FOXN3: variants seen among roughly 807,000 people sequenced by gnomAD.
FOXN3 encodes forkhead box N3.
A neutral mutation model predicts 38.4 loss-of-function variants in FOXN3; 7 were observed. The observed-to-expected ratio is 0.18, with a 90% CI of 0.10 to 0.34. The LOEUF (loss-of-function observed/expected upper bound fraction) is 0.34, where lower values mean the gene tolerates loss of function less well. Ranked by LOEUF, FOXN3 falls within the 10% of genes least tolerant of loss-of-function variation. FOXN3 has a pLI of 1.00. For missense variants in FOXN3, 456 were observed against 613.4 expected, an observed-to-expected ratio of 0.74 and a Z score of 2.71; for synonymous variants, 230 against 242.2, an observed-to-expected ratio of 0.95 and a Z score of 0.47.
At chr14:89,415,604 CAA>C (rs34026101) in intron 1 of FOXN3, among the ~76,000 whole-genome samples, 1,938 of 54,014 alleles carry the variant, frequency 0.036, 25 homozygotes, top group African/African-American at 0.067. Context: ...CAACAATAAC[CAA>C]AAAAAAAAAA....
rs191105542 is a variant in FOXN3 at position 89,204,864 on chromosome 14, T to C, written c.746-24058A>G. 2.0e-3 allele frequency among the ~76,000 whole-genome samples: 302 copies of C among 152,220 alleles called. 2 individuals carry two copies. Among genetic ancestry groups the C allele is most frequent in the African/African-American group, 6.9e-3 (285 of 41,524 alleles). ...CATCCATCCATCCATCCATCCATCATTGAGAACAAAAGATATCGTTATGCT... is the reference window on the plus strand; with the variant it reads ...CATCCATCCATCCATCCATCCATCACTGAGAACAAAAGATATCGTTATGCT... On this transcript the variant is annotated intron_variant, in intron 4 of 5. Transcript: ENST00000557258.
intron 4 of FOXN3, among the ~76,000 whole-genome samples, chr14:89,213,090 G>A (rs907306879): frequency 3.3e-5 from 5 of 152,180 alleles, no homozygotes; most frequent in African/African-American, 7.2e-5. Context: ...AGGCCTCCCC[G>A]TCCAACATCC....
At chr14:89,207,565 G>A (rs926302392) in intron 4 of FOXN3, among the ~76,000 whole-genome samples, 20 of 152,214 alleles carry the variant, frequency 1.3e-4, no homozygotes, top group Non-Finnish European at 4.4e-5. Context: ...GGTGAAGGAG[G>A]TGGTGGAAAG....
Position 89,523,848 on chromosome 14 carries a change from T to C in FOXN3, c.-15+95180A>G, listed in dbSNP as rs537409519. On this transcript the variant is annotated intron_variant, in intron 1 of 6. Transcript: ENST00000345097. ...TGCAATCTCAGCTCACTGCAACCTC[T>C]ACCTCCCGGGTTCAAGCAATTGTCC... Among the ~76,000 whole-genome samples, 136 of 151,988 alleles carry C rather than the reference T, an allele frequency of 8.9e-4. 1 individual carries two copies. Among genetic ancestry groups the C allele is most frequent in the African/African-American group, 3.1e-3 (127 of 41,538 alleles).
chr14:89,442,608 C>T (rs901379422), intron 1 of FOXN3, among the ~76,000 whole-genome samples: 3 of 152,178 alleles, frequency 2.0e-5, no homozygotes, highest in East Asian at 1.9e-4. Flanking sequence ...TGGGAAACAA[C>T]GGATCCCTGA....
At chr14:89,464,204 G>A (rs750707235) in intron 1 of FOXN3, among the ~76,000 whole-genome samples, 2 of 152,180 alleles carry the variant, frequency 1.3e-5, no homozygotes, top group Admixed American at 6.5e-5. Context: ...GAAGCGTCAC[G>A]TATAGGAGGG....
At chr14:89,364,342 T>C (rs1457328970) in intron 2 of FOXN3, 5 of 102,624 alleles carry the variant, frequency 4.9e-5, no homozygotes, top group African/African-American at 7.8e-5. Flanking sequence ...TTTCTTTTTG[T>C]TTGTTTTTTT....
intron 2 of FOXN3, among the ~76,000 whole-genome samples, chr14:89,376,356 T>C (rs1217654509): frequency 2.0e-5 from 3 of 152,236 alleles, no homozygotes; most frequent in East Asian, 3.8e-4. Flanking sequence ...CATGAGTCCA[T>C]AGTGATAGTC....
intron 4 of FOXN3, among the ~76,000 whole-genome samples, chr14:89,245,968 C>T (rs896876561): frequency 6.6e-6 from 1 of 152,124 alleles, no homozygotes; most frequent in Non-Finnish European, 1.5e-5. Flanking sequence ...CTGCAGGCCA[C>T]GACTTGCCAG....
chr14:89,283,065 T>C (rs886628064), intron 3 of FOXN3, among the ~76,000 whole-genome samples: 2 of 152,132 alleles, frequency 1.3e-5, no homozygotes, highest in African/African-American at 4.8e-5. Flanking sequence ...AATTGATGAA[T>C]TCACAAGTGG....
intron 4 of FOXN3, among the ~76,000 whole-genome samples, chr14:89,207,390 C>T (rs781415795): frequency 5.3e-5 from 8 of 151,094 alleles, no homozygotes; most frequent in South Asian, 2.1e-4. Context: ...ATACAAACAC[C>T]GATGGGATAA....
At position 89,259,309 on chromosome 14, in the gene FOXN3, G is replaced by A. The variant is rs115434244; in HGVS notation, c.745+21641C>T. ...AGCATCTCTCAGGTTTTAGTATTAC[G>A]GACCTCTGTGTTTCTCTTGGGTAAT... On this transcript the variant is annotated intron_variant, in intron 4 of 5. Coordinates refer to ENST00000557258, the MANE Select transcript of FOXN3 (RefSeq NM_005197.4). Among the ~76,000 whole-genome samples, 1,090 of 152,194 alleles carry A rather than the reference G, an allele frequency of 7.2e-3. 13 individuals are homozygous for A. The highest frequency in any genetic ancestry group is 0.025 in the African/African-American group (1,044 of 41,512).
chr14:89,201,457 C>A (rs1888232390), intron 4 of FOXN3, among the ~76,000 whole-genome samples: 1 of 152,186 alleles, frequency 6.6e-6, no homozygotes, highest in Admixed American at 6.5e-5. Context: ...GGGACTGGAG[C>A]CAGCCTCAGG....
chr14:89,568,551 T>C (rs950586316), intron 1 of FOXN3, among the ~76,000 whole-genome samples: 6 of 152,242 alleles, frequency 3.9e-5, no homozygotes, highest in African/African-American at 1.2e-4. Flanking sequence ...TCGGGATTTT[T>C]AGGACTCTTT....
intron 1 of FOXN3, among the ~76,000 whole-genome samples, chr14:89,489,879 C>T (rs75019197): frequency 0.01 from 1,559 of 152,288 alleles, 12 homozygotes; most frequent in Non-Finnish European, 0.016. Context: ...CACACATGCA[C>T]GCACATCTTT....
chr14:89,590,648 G>A (rs185775709), intron 1 of FOXN3, among the ~76,000 whole-genome samples: 1 of 152,210 alleles, frequency 6.6e-6, no homozygotes, highest in Non-Finnish European at 1.5e-5. Flanking sequence ...CTGCTCTCCT[G>A]TCTCTCACCC....
intron 1 of FOXN3, among the ~76,000 whole-genome samples, chr14:89,544,106 T>G (rs904693882): frequency 6.6e-6 from 1 of 152,112 alleles, no homozygotes; most frequent in African/African-American, 2.4e-5. Flanking sequence ...TTTTTTGTTT[T>G]GTTTTTTGAG....
At chr14:89,438,867 G>A (rs1232214486) in intron 1 of FOXN3, among the ~76,000 whole-genome samples, 2 of 151,868 alleles carry the variant, frequency 1.3e-5, no homozygotes, top group African/African-American at 4.8e-5. Context: ...AGGTTCTAAG[G>A]ATTCTCCTGC....
chr14:89,199,190 G>A (rs1379747162), intron 4 of FOXN3, among the ~76,000 whole-genome samples: 1 of 152,180 alleles, frequency 6.6e-6, no homozygotes, highest in Non-Finnish European at 1.5e-5. Flanking sequence ...TGAGCAGGAG[G>A]GATGAAGTGG....
Sources: allele counts gnomAD v4.1 joint callset (sites outside exome capture counted in the v4.1 genomes callset), GRCh38; gene constraint gnomAD v4.1.1; transcripts MANE v1.5; gene names NCBI Gene and HGNC (gene_info 2026-07-23, HGNC 2026-07-21).